ZFAND6: variants seen among roughly 807,000 people sequenced by gnomAD.
ZFAND6 encodes zinc finger AN1-type containing 6.
ZFAND6 carries 12 observed loss-of-function variants against 24.5 expected under a neutral mutation model. That is an observed-to-expected ratio of 0.49 (90% confidence interval 0.31 to 0.79). The LOEUF is 0.79. Among genes scored for constraint, ZFAND6 ranks in the 30% least tolerant of loss-of-function variants. The probability of loss-of-function intolerance (pLI) is 0.04; values close to 1 mark genes in which losing one functional copy is unlikely to be tolerated. For synonymous variants in ZFAND6, 92 were observed against 81.5 expected, an observed-to-expected ratio of 1.13 and a Z score of -0.69; for missense variants, 207 against 245.9, an observed-to-expected ratio of 0.84 and a Z score of 1.06.
intron 2 of ZFAND6, among the ~76,000 whole-genome samples, chr15:80,104,319 C>T (rs2039198877): frequency 6.6e-6 from 1 of 152,164 alleles, no homozygotes; most frequent in African/African-American, 2.4e-5. Context: ...GTCAGGAGTT[C>T]AAGACCAGCC....
chr15:80,090,715 G>C (rs898842596), intron 1 of ZFAND6, among the ~76,000 whole-genome samples: 1 of 152,132 alleles, frequency 6.6e-6, no homozygotes, highest in Admixed American at 6.5e-5. Context: ...ATTTGGGGGA[G>C]ATTTGCTCAG....
chr15:80,070,886 T>C (rs1423715827), intron 1 of ZFAND6, among the ~76,000 whole-genome samples: 2 of 152,236 alleles, frequency 1.3e-5, no homozygotes, highest in Non-Finnish European at 2.9e-5. Flanking sequence ...CTGTATATTC[T>C]TTTTGCTGAT....
chr15:80,074,488 G>A (rs748601324), intron 1 of ZFAND6, among the ~76,000 whole-genome samples: 1 of 151,818 alleles, frequency 6.6e-6, no homozygotes, highest in Non-Finnish European at 1.5e-5. Flanking sequence ...GGAGACTGGA[G>A]TAGTGCCAGT....
intron 1 of ZFAND6, among the ~76,000 whole-genome samples, chr15:80,061,334 G>A (rs899963657): frequency 6.6e-6 from 1 of 151,968 alleles, no homozygotes; most frequent in African/African-American, 2.4e-5. Flanking sequence ...GCAGTTTATT[G>A]TCAACTATAT....
intron 3 of ZFAND6, among the ~76,000 whole-genome samples, chr15:80,121,304 A>G (rs553421521): frequency 6.6e-6 from 1 of 152,228 alleles, no homozygotes; most frequent in African/African-American, 2.4e-5. Flanking sequence ...TTGTTTTAAA[A>G]TTAAGTCATC....
intron 1 of ZFAND6, among the ~76,000 whole-genome samples, chr15:80,090,900 A>G (rs1480859558): frequency 6.6e-6 from 1 of 152,146 alleles, no homozygotes; most frequent in Admixed American, 6.6e-5. Flanking sequence ...TAACTTTTTG[A>G]CACCCTTAAA....
At chr15:80,128,021 C>G (rs750526526) in intron 5 of ZFAND6, among the ~76,000 whole-genome samples, 6 of 152,118 alleles carry the variant, frequency 3.9e-5, no homozygotes, top group African/African-American at 7.2e-5. Flanking sequence ...GAAGGAAATT[C>G]TGATACATGC....
chr15:80,137,835 G>A lies in ZFAND6; in HGVS notation c.*207G>A. The A allele has an allele frequency of 4.5e-6, 2 of 446,944 alleles. No individual in the cohort carries two copies. 27.7% of individuals were successfully genotyped at this position (446,944 alleles called of 1,614,324 possible). On this transcript the variant is annotated 3_prime_UTR_variant, in exon 7 of 7. Transcript: ENST00000261749. ...GGCTGAGGAGACTTAAACTTTACAA[G>A]TATTATCCTTTTAAGATCATTTTAA...
chr15:80,095,994 G>A (rs1007377939), intron 1 of ZFAND6, among the ~76,000 whole-genome samples: 2 of 152,156 alleles, frequency 1.3e-5, no homozygotes, highest in African/African-American at 2.4e-5. Flanking sequence ...TGATCTATCA[G>A]TACAATGGAT....
chr15:80,073,314 AT>A, intron 1 of ZFAND6: 2 of 357,824 alleles, frequency 5.6e-6, no homozygotes, highest in Non-Finnish European at 1.1e-5. Flanking sequence ...AAGGATTTAT[AT>A]TTTTAAAAGC....
intron 1 of ZFAND6, among the ~76,000 whole-genome samples, chr15:80,068,279 C>T (rs1042874494): frequency 3.3e-5 from 5 of 152,054 alleles, no homozygotes; most frequent in African/African-American, 1.2e-4. Flanking sequence ...TCCTAAGTAG[C>T]TGGGACTACA....
chr15:80,077,869 T>C (rs1369663659), intron 1 of ZFAND6, among the ~76,000 whole-genome samples: 2 of 151,212 alleles, frequency 1.3e-5, no homozygotes, highest in African/African-American at 4.9e-5. Context: ...CCGGCTAATT[T>C]TTGTATTTTT....
At chr15:80,124,537 G>A (rs757574177) in intron 5 of ZFAND6, among the ~76,000 whole-genome samples, 1 of 152,182 alleles carries the variant, frequency 6.6e-6, no homozygotes, top group Non-Finnish European at 1.5e-5. Context: ...TCATAGATTG[G>A]TGAACTATCA....
At chr15:80,082,783 G>GT (rs1179360888) in intron 1 of ZFAND6, among the ~76,000 whole-genome samples, 1 of 152,066 alleles carries the variant, frequency 6.6e-6, no homozygotes, top group Admixed American at 6.5e-5. Flanking sequence ...TTCCCTCCTT[G>GT]TTTTGCTGAG....
intron 1 of ZFAND6, among the ~76,000 whole-genome samples, chr15:80,067,462 G>T (rs2036712083): frequency 6.6e-6 from 1 of 151,988 alleles, no homozygotes; most frequent in African/African-American, 2.4e-5. Context: ...TTTATATTGG[G>T]CTTTTCTTTC....
chr15:80,117,288 T>C (rs2039923707), intron 2 of ZFAND6, among the ~76,000 whole-genome samples: 1 of 152,118 alleles, frequency 6.6e-6, no homozygotes, highest in Non-Finnish European at 1.5e-5. Flanking sequence ...AGTGGCACGA[T>C]CTTGGCTCAC....
intron 1 of ZFAND6, among the ~76,000 whole-genome samples, chr15:80,072,336 A>G (rs1300970618): frequency 3.9e-5 from 6 of 152,134 alleles, no homozygotes; most frequent in African/African-American, 1.4e-4. Flanking sequence ...TTTCACCTAG[A>G]CAAGGGTAAG....
intron 3 of ZFAND6, among the ~76,000 whole-genome samples, chr15:80,121,479 G>A (rs759954113): frequency 1.3e-5 from 2 of 152,126 alleles, no homozygotes; most frequent in Non-Finnish European, 2.9e-5. Context: ...CTAAGAAATA[G>A]GAGTTTATTA....
In ZFAND6 at chr15:80,121,692, G is replaced by A; in HGVS notation, c.155-20G>A. 8.1e-6 allele frequency: 13 copies of A among 1,598,546 alleles called. No individual in the cohort carries two copies. The highest frequency in any genetic ancestry group is 1.1e-5 in the Non-Finnish European group (13 of 1,166,602). ...GCTGAGCATATAGAATCACTAATACGCAATGTGGTACTGTTACAGCAACCT... is the reference window on the plus strand; with the variant it reads ...GCTGAGCATATAGAATCACTAATACACAATGTGGTACTGTTACAGCAACCT... On this transcript the variant is annotated intron_variant, in intron 3 of 6. Coordinates refer to ENST00000261749, the MANE Select transcript of ZFAND6 (RefSeq NM_019006.4).
Sources: allele counts gnomAD v4.1 joint callset (sites outside exome capture counted in the v4.1 genomes callset), GRCh38; gene constraint gnomAD v4.1.1; transcripts MANE v1.5; gene names NCBI Gene and HGNC (gene_info 2026-07-23, HGNC 2026-07-21).